Variants in DNAH8 observed in about 807,000 individuals in gnomAD.
The protein encoded by DNAH8 is axonemal beta dynein heavy chain 8.
DNAH8 carries 382 observed loss-of-function variants against 562.1 expected under a neutral mutation model. The ratio of observed to expected loss-of-function variants is 0.68; its 90% confidence interval spans 0.63 to 0.74. The LOEUF (loss-of-function observed/expected upper bound fraction) is 0.74, where lower values mean the gene tolerates loss of function less well. DNAH8 is among the 30% of genes least tolerant of loss of function. The pLI is 0.00. For missense variants in DNAH8, 5,203 were observed against 5,620.4 expected (o/e 0.93, Z 2.37); for synonymous variants, 1,881 against 1,919.4 (o/e 0.98, Z 0.52).
intron 86 of DNAH8, 56 bp from the exon 87 acceptor site, chr6:38,984,150 T>C (rs1410361052): frequency 5.8e-6 from 6 of 1,041,114 alleles, no homozygotes; most frequent in Non-Finnish European, 8.7e-6. Context: ...ACCCGAAATG[T>C]TTATAATGAT....
intron 77 of DNAH8, among the ~76,000 whole-genome samples, chr6:38,936,986 G>C (rs369619354): frequency 6.6e-6 from 1 of 152,046 alleles, no homozygotes; most frequent in Non-Finnish European, 1.5e-5. Context: ...CAAATTCATT[G>C]TCATAAACAT....
intron 60 of DNAH8, among the ~76,000 whole-genome samples, chr6:38,897,549 T>C (rs1212916831): frequency 6.6e-6 from 1 of 152,202 alleles, no homozygotes; most frequent in Admixed American, 6.5e-5. Context: ...AATTAATATA[T>C]AGGTTTAATG....
intron 91 of DNAH8, among the ~76,000 whole-genome samples, chr6:39,023,870 T>G (rs1465017643): frequency 6.6e-6 from 1 of 152,232 alleles, no homozygotes; most frequent in Non-Finnish European, 1.5e-5. Context: ...ATTTAACATT[T>G]TCCTTTCTTA....
At chr6:38,772,004 C>T (rs1767617570) in intron 12 of DNAH8, among the ~76,000 whole-genome samples, 1 of 150,912 alleles carries the variant, frequency 6.6e-6, no homozygotes, top group African/African-American at 2.4e-5. Flanking sequence ...TGCATTCTAA[C>T]AGCAAAGTAT....
Position 38,823,657 on chromosome 6 carries a change from T to G in DNAH8, c.3816T>G (p.Ile1272Met). 1 of 1,604,226 alleles carries G rather than the reference T, an allele frequency of 6.2e-7. No individual in the cohort carries two copies. The highest frequency in any genetic ancestry group is 2.2e-5 in the East Asian group (1 of 44,736). The change falls in exon 28 of 93, where the codon ATT becomes ATG. Residue 1272 changes from isoleucine (I) to methionine (M), a missense_variant. Transcript: ENST00000327475. Reference protein sequence around the residue: ...FEQEIDELKPIIVVGALELHT... With the variant: ...FEQEIDELKPMIVVGALELHT... ...AGGAGATTGATGAGTTGAAGCCTAT[T>G]ATTGTTGTAGGAGCACTTGAATTAC...
In DNAH8 at chr6:38,896,245, A is replaced by T; in HGVS notation, c.8940+20A>T. The T allele has an allele frequency of 1.3e-6, 2 of 1,598,940 alleles. No individual in the cohort carries two copies. Among genetic ancestry groups the T allele is most frequent in the Non-Finnish European group, 1.7e-6 (2 of 1,167,890 alleles). ...GAATTGGTATTTATTTTCATCTCTTAAAAGAGGTTTTCAGATTGCTCACCT... is the reference window on the plus strand; with the variant it reads ...GAATTGGTATTTATTTTCATCTCTTTAAAGAGGTTTTCAGATTGCTCACCT... On this transcript the variant is annotated intron_variant, in intron 60 of 92. Transcript: ENST00000327475.
In DNAH8 at chr6:38,775,774, T is replaced by C; in HGVS notation, c.1785T>C (p.Val595=). Residue 595 remains valine, a synonymous_variant, in exon 13 of 93, where the codon GTT becomes GTC. Coordinates refer to ENST00000327475, the MANE Select transcript of DNAH8 (RefSeq NM_001206927.2). ...TTAAGATTACAGAAATGATAACTGT[T>C]GTGCAAACATATTCAACCTTGAGTA... ...RLEKITEMIT[V]VQTYSTLSNS... 3 of 1,594,340 alleles carry C rather than the reference T, an allele frequency of 1.9e-6. No individual in the cohort carries two copies. The highest frequency in any genetic ancestry group is 2.6e-6 in the Non-Finnish European group (3 of 1,164,442).
intron 1 of DNAH8, among the ~76,000 whole-genome samples, chr6:38,717,373 G>A (rs992711842): frequency 6.6e-6 from 1 of 152,014 alleles, no homozygotes; most frequent in African/African-American, 2.4e-5. Flanking sequence ...ACCCAGACTG[G>A]AGTGCAGTGG....
chr6:38,751,638 T>C (rs1039412555), intron 9 of DNAH8, among the ~76,000 whole-genome samples: 4 of 152,352 alleles, frequency 2.6e-5, no homozygotes, highest in South Asian at 2.1e-4. Context: ...ATAGAGATCC[T>C]TTAAAGAACA....
chr6:38,993,813 C>T (rs1764954553), intron 88 of DNAH8, among the ~76,000 whole-genome samples: 1 of 151,988 alleles, frequency 6.6e-6, no homozygotes, highest in South Asian at 2.1e-4. Context: ...CATAGTTGTT[C>T]AACCATTTGC....
At position 38,924,134 on chromosome 6, in the gene DNAH8, T is replaced by G. The variant is rs368315323; in HGVS notation, c.10934T>G (p.Leu3645Arg). The stretch of plus-strand genomic sequence containing the variant: ...ATTCCTTTCACAGAAAACCTGAATC[T>G]TATTTCAATGTTGGTGGATCCTCCA... ...RKIPFTENLNLISMLVDPPTI... is the reference protein window; with the variant it reads ...RKIPFTENLNRISMLVDPPTI... Residue 3645 changes from leucine to arginine, a missense_variant, in exon 73 of 93, where the codon CTT becomes CGT. This residue lies in a region of DNAH8 where 1,399 missense variants were observed against 1,518.4 expected (regional missense o/e 0.92). Coordinates refer to ENST00000327475, the MANE Select transcript of DNAH8 (RefSeq NM_001206927.2). The G allele has an allele frequency of 3.0e-5, 49 of 1,613,808 alleles. No homozygotes were observed. Among genetic ancestry groups the G allele is most frequent in the Non-Finnish European group, 4.0e-5 (47 of 1,179,886 alleles).
intron 47 of DNAH8, among the ~76,000 whole-genome samples, chr6:38,867,231 A>ATGTGTGTGTG (rs70981595): frequency 0.048 from 7,135 of 148,368 alleles, 258 homozygotes; most frequent in African/African-American, 0.1. Flanking sequence ...GTGTGTGTAT[A>ATGTGTGTGTG]TGTGTGTGTG....
chr6:38,940,979 G>T (rs1050249587), intron 79 of DNAH8, among the ~76,000 whole-genome samples: 1 of 151,936 alleles, frequency 6.6e-6, no homozygotes, highest in African/African-American at 2.4e-5. Flanking sequence ...AATTAGCTGG[G>T]CGTGGTGGCA....
At position 38,933,119 on chromosome 6, in the gene DNAH8, A is replaced by T. The variant is rs7762098; in HGVS notation, c.11457+1126A>T. Among the ~76,000 whole-genome samples the T allele has an allele frequency of 3.8e-3, 580 of 152,232 alleles. 4 individuals carry two copies. Among genetic ancestry groups the T allele is most frequent in the African/African-American group, 0.013 (551 of 41,528 alleles). ...GGATCACATGCTGTTAACTGTTGAC[A>T]GTTAGTCCCTTGTGGTCTAATTGGT... On this transcript the variant is annotated intron_variant, in intron 76 of 92. Coordinates refer to ENST00000327475, the MANE Select transcript of DNAH8 (RefSeq NM_001206927.2).
At chr6:39,008,524 C>G (rs943395925) in intron 88 of DNAH8, among the ~76,000 whole-genome samples, 4 of 152,014 alleles carry the variant, frequency 2.6e-5, no homozygotes, top group Non-Finnish European at 4.4e-5. Context: ...TTAGCTACAA[C>G]CAAGATGGTG....
intron 10 of DNAH8, among the ~76,000 whole-genome samples, chr6:38,756,626 C>T (rs867923573): frequency 3.3e-5 from 5 of 151,568 alleles, no homozygotes; most frequent in Middle Eastern, 3.4e-3. Context: ...CCCATTAACT[C>T]GTCATTTAAC....
At chr6:38,938,285 C>T (rs951773212) in intron 78 of DNAH8, 59 bp downstream of exon 78, 2 of 1,546,652 alleles carry the variant, frequency 1.3e-6, no homozygotes, top group African/African-American at 2.7e-5. Flanking sequence ...TGTATTTCTA[C>T]TCTTTTAGAA....
chr6:38,972,366 C>T (rs1362119121), intron 83 of DNAH8, among the ~76,000 whole-genome samples: 1 of 152,136 alleles, frequency 6.6e-6, no homozygotes, highest in Admixed American at 6.5e-5. Flanking sequence ...TGGGCTAAAA[C>T]TCTGTTGGGT....
chr6:38,926,458 A>C (rs1382246509), intron 74 of DNAH8, among the ~76,000 whole-genome samples: 1 of 152,116 alleles, frequency 6.6e-6, no homozygotes, highest in Non-Finnish European at 1.5e-5. Context: ...CTAATGTCGA[A>C]TGTGGCTTTT....
Sources: allele counts gnomAD v4.1 joint callset (sites outside exome capture counted in the v4.1 genomes callset), GRCh38; gene constraint gnomAD v4.1.1; regional missense constraint gnomAD v4.1.1; transcripts MANE v1.5; gene names NCBI Gene and HGNC (gene_info 2026-07-23, HGNC 2026-07-21).